Variants in GDF5 observed in about 807,000 individuals in gnomAD.
GDF5 encodes growth/differentiation factor 5.
Under a neutral mutation model 34.6 loss-of-function variants are expected in GDF5, and 17 were observed. The observed-to-expected ratio is 0.49, with a 90% confidence interval of 0.34 to 0.74. The LOEUF is 0.74. GDF5 is among the 30% of genes least tolerant of loss of function. The pLI, the probability that GDF5 is intolerant of heterozygous loss-of-function variation, is 0.01. For missense variants in GDF5, 616 were observed against 661.2 expected, an observed-to-expected ratio of 0.93 and a Z score of 0.75; for synonymous variants, 332 against 290.7, an observed-to-expected ratio of 1.14 and a Z score of -1.44.
intron 1 of GDF5, among the ~76,000 whole-genome samples, chr20:35,435,695 A>C (rs1322881606): frequency 1.3e-5 from 2 of 151,990 alleles, no homozygotes; most frequent in Non-Finnish European, 2.9e-5. Context: ...CCTACAGCCC[A>C]ATTTTCCTGG....
At chr20:35,435,242 G>A (rs551394397) in intron 1 of GDF5, 33 of 306,046 alleles carry the variant, frequency 1.1e-4, no homozygotes, top group African/African-American at 5.0e-4. Flanking sequence ...CTTGAGCTCC[G>A]GAGTTCGAAA....
At chr20:35,453,915 C>G (rs769585874) in intron 1 of GDF5, 9 of 534,426 alleles carry the variant, frequency 1.7e-5, no homozygotes, top group South Asian at 4.2e-5. Context: ...ACAGTCTCTA[C>G]GCTCAAGCTC....
rs74315389 is a variant in GDF5, at chr20:35,433,944, C to T, written c.1471G>A (p.Glu491Lys). 4 of 1,613,990 alleles carry T rather than the reference C, an allele frequency of 2.5e-6. No homozygotes were observed. Among genetic ancestry groups the T allele is most frequent in the East Asian group, 2.2e-5 (1 of 44,894 alleles). Residue 491 changes from glutamate to lysine, a missense_variant, in exon 2 of 2, where the codon GAG (glutamate) becomes AAG (lysine). Transcript: ENST00000374369. ...CCACACGACTCCACGACCATGTCCT[C>T]ATACTGCTTATACACCACGTTGTTG... ...SANNVVYKQY[E>K]DMVVESCGCR
At chr20:35,453,396 A>T (rs1018498696) in intron 1 of GDF5, among the ~76,000 whole-genome samples, 3 of 152,208 alleles carry the variant, frequency 2.0e-5, no homozygotes, top group Admixed American at 6.5e-5. Context: ...GCTGGGGGAA[A>T]AGTGGTCTAG....
chr20:35,433,941 C>A lies in GDF5; in HGVS notation c.1474G>T (p.Asp492Tyr), dbSNP rs1188108135. Reference sequence around the variant, plus strand: ...CAGCCACACGACTCCACGACCATGTCCTCATACTGCTTATACACCACGTTG... The same window carrying A: ...CAGCCACACGACTCCACGACCATGTACTCATACTGCTTATACACCACGTTG... ...ANNVVYKQYEDMVVESCGCR is the reference protein window; with the variant it reads ...ANNVVYKQYEYMVVESCGCR The change falls in exon 2 of 2, where the codon GAC (aspartate) becomes TAC (tyrosine). Residue 492 changes from aspartate to tyrosine, a missense_variant. Transcript: ENST00000374369. 6.2e-7 allele frequency: 1 copy of A among 1,614,088 alleles called. No individual in the cohort carries two copies. The highest frequency in any genetic ancestry group is 2.2e-5 in the East Asian group (1 of 44,870).
chr20:35,436,657 G>T (rs187510376), intron 1 of GDF5, among the ~76,000 whole-genome samples: 1 of 152,208 alleles, frequency 6.6e-6, no homozygotes, highest in East Asian at 1.9e-4. Flanking sequence ...TGTTGGAAGG[G>T]CTCTCAGAAA....
Position 35,434,440 on chromosome 20 carries a change from A to G in GDF5, c.975T>C (p.Arg325=). 6.2e-7 allele frequency: 1 copy of G among 1,613,258 alleles called. No individual in the cohort carries two copies. Among genetic ancestry groups the G allele is most frequent in the South Asian group, 1.1e-5 (1 of 91,058 alleles). The change falls in exon 2 of 2, where the codon CGT becomes CGC. Residue 325 remains arginine, a synonymous_variant. Coordinates refer to ENST00000374369, the MANE Select transcript of GDF5 (RefSeq NM_000557.5). ...AWERGRAVDL[R]GLGFDRAARQ... ...GGGCGGCGCGGTCGAAGCCCAGGCC[A>G]CGGAGGTCCACGGCCCTGCCCCGTT...
chr20:35,433,840 C>G lies in GDF5; in HGVS notation c.*69G>C. Reference sequence around the variant, plus strand: ...CTCCTGCCACAGCTTCCTGACCCCTCTGTGATTCCAGGAGTGCAGGAAGGG... The same window carrying G: ...CTCCTGCCACAGCTTCCTGACCCCTGTGTGATTCCAGGAGTGCAGGAAGGG... On this transcript the variant is annotated 3_prime_UTR_variant, in exon 2 of 2. Transcript: ENST00000374369. 4 of 1,312,918 alleles carry G rather than the reference C, an allele frequency of 3.0e-6. No homozygotes were observed. Among genetic ancestry groups the G allele is most frequent in the Non-Finnish European group, 4.4e-6 (4 of 906,670 alleles). 81.3% of individuals were successfully genotyped at this position (1,312,918 alleles called of 1,614,324 possible).
chr20:35,448,448 CTT>C (rs34209210), intron 1 of GDF5, among the ~76,000 whole-genome samples: 116 of 86,742 alleles, frequency 1.3e-3, no homozygotes, highest in African/African-American at 5.5e-3. Context: ...GCCCCCCCGA[CTT>C]TTTTTTTTTT....
Position 35,438,088 on chromosome 20 carries a change from A to G in GDF5, c.-160T>C. ...CTTTCTCCTCAGTCTGAGACTCTTG[A>G]AGTCTGCCGGGTGTGTGTTTGTATC... is the stretch of plus-strand genomic sequence containing the variant. On this transcript the variant is annotated 5_prime_UTR_variant, in exon 1 of 2. Transcript: ENST00000374369. 1 of 790,832 alleles carries G rather than the reference A, an allele frequency of 1.3e-6. No homozygotes were observed. Among genetic ancestry groups the G allele is most frequent in the Non-Finnish European group, 2.1e-6 (1 of 476,508 alleles). 49.0% of individuals were successfully genotyped at this position (790,832 alleles called of 1,614,324 possible).
chr20:35,444,003 C>T (rs189438115), intron 1 of GDF5, among the ~76,000 whole-genome samples: 3 of 152,242 alleles, frequency 2.0e-5, no homozygotes, highest in East Asian at 1.9e-4. Context: ...AGAGAACAGG[C>T]GCTGGGACCA....
rs1328133011 is a variant in GDF5 at position 35,434,794 on chromosome 20, C to T, written c.632-11G>A. On this transcript the variant is annotated splice_polypyrimidine_tract_variant and intron_variant, in intron 1 of 1. Coordinates refer to ENST00000374369, the MANE Select transcript of GDF5 (RefSeq NM_000557.5). ...CGGGACCTCGGTCATCTAGAGAGAA[C>T]ACCCAGAAGTCATTCCCTGCAACCT... The T allele has an allele frequency of 1.2e-6, 2 of 1,612,690 alleles. No homozygotes were observed. The highest frequency in any genetic ancestry group is 2.2e-5 in the East Asian group (1 of 44,874).
intron 1 of GDF5, among the ~76,000 whole-genome samples, chr20:35,450,498 G>T (rs557096450): frequency 6.6e-6 from 1 of 152,022 alleles, no homozygotes; most frequent in Admixed American, 6.6e-5. Flanking sequence ...GAGGAAGATG[G>T]GGGTGGGAAA....
chr20:35,439,427 C>T (rs1173197463), upstream of GDF5, among the ~76,000 whole-genome samples: 1 of 152,032 alleles, frequency 6.6e-6, no homozygotes. Context: ...TGGGGTTTCA[C>T]CATGTTAGCC....
chr20:35,434,244 G>A lies in GDF5; in HGVS notation c.1171C>T (p.Arg391Ter), dbSNP rs1413681909. The A allele has an allele frequency of 6.2e-7, 1 of 1,614,072 alleles. No individual in the cohort carries two copies. Among genetic ancestry groups the A allele is most frequent in the Admixed American group, 1.7e-5 (1 of 60,022 alleles). The change falls in exon 2 of 2, where the codon CGA becomes TGA. Residue 391 changes from arginine to a stop codon, truncating the protein, a stop_gained. Coordinates refer to ENST00000374369, the MANE Select transcript of GDF5 (RefSeq NM_000557.5). LOFTEE classifies it high-confidence loss of function. ...RAPLATRQGKRPSKNLKARCS... is the reference protein window; with the variant it reads ...RAPLATRQGK ...CGAGCCTTAAGGTTCTTGCTGGGTC[G>A]CTTGCCCTGGCGAGTGGCCAGTGGG...
intron 1 of GDF5, chr20:35,453,959 C>G: frequency 1.9e-6 from 1 of 534,566 alleles, no homozygotes; most frequent in South Asian, 1.4e-5. Context: ...AAACGTGTTC[C>G]CAATTATCAG....
chr20:35,433,605 C>G lies in GDF5; in HGVS notation c.*304G>C. Reference sequence around the variant, plus strand: ...GGCCCAGGTGAGGAGAAATGGTGGGCTGAGTCTCATCGGAAAGCACTGTTT... The same window carrying G: ...GGCCCAGGTGAGGAGAAATGGTGGGGTGAGTCTCATCGGAAAGCACTGTTT... On this transcript the variant is annotated 3_prime_UTR_variant, in exon 2 of 2. Coordinates refer to ENST00000374369, the MANE Select transcript of GDF5 (RefSeq NM_000557.5). 2.3e-6 allele frequency: 1 copy of G among 433,692 alleles called. No individual in the cohort carries two copies. The highest frequency in any genetic ancestry group is 4.3e-6 in the Non-Finnish European group (1 of 231,178). 26.9% of individuals were successfully genotyped at this position (433,692 alleles called of 1,614,324 possible). A position where few individuals can be genotyped will look rare whatever the true frequency, so the allele number is the denominator to read the frequency against.
chr20:35,437,771 AG>A lies in GDF5; in HGVS notation c.157del (p.Leu53TrpfsTer34), dbSNP rs778834209. The stretch of plus-strand genomic sequence containing the variant: ...CCCTGGCCTGAAGACGTTCCGGGCC[AG>A]GGGGGGCCTCTCCTTGGCCTCTGCT... ...AKAEAKERPP[L>X]ARNVFRPGGH... is the part of the protein sequence containing the mutation. On this transcript the variant is annotated frameshift_variant, in exon 1 of 2. Coordinates refer to ENST00000374369, the MANE Select transcript of GDF5 (RefSeq NM_000557.5). LOFTEE classifies it high-confidence loss of function. The A allele has an allele frequency of 6.2e-7, 1 of 1,608,340 alleles. No individual in the cohort carries two copies. The highest frequency in any genetic ancestry group is 8.5e-7 in the Non-Finnish European group (1 of 1,177,642).
chr20:35,453,229 G>A (rs572065545), intron 1 of GDF5, among the ~76,000 whole-genome samples: 20 of 152,106 alleles, frequency 1.3e-4, no homozygotes, highest in African/African-American at 4.6e-4. Context: ...CAGCCTGGGC[G>A]ACAAAGCAAG....
Sources: allele counts gnomAD v4.1 joint callset (sites outside exome capture counted in the v4.1 genomes callset), GRCh38; gene constraint gnomAD v4.1.1; transcripts MANE v1.5; gene names NCBI Gene and HGNC (gene_info 2026-07-23, HGNC 2026-07-21).